Variants in ADAMTS6 observed in about 807,000 individuals in gnomAD.
The protein encoded by ADAMTS6 is ADAM metallopeptidase with thrombospondin type 1 motif 6, also known as A disintegrin and metalloproteinase with thrombospondin motifs 6.
Under a neutral mutation model 144.3 loss-of-function variants are expected in ADAMTS6, and 23 were observed. The observed-to-expected ratio is 0.16, with a 90% CI of 0.11 to 0.23. ADAMTS6 has a LOEUF of 0.23. ADAMTS6 is among the 10% of genes least tolerant of loss of function. ADAMTS6 has a pLI of 1.00. For missense variants in ADAMTS6, 999 were observed against 1,379.6 expected (o/e 0.72, Z 4.37); for synonymous variants, 444 against 457.5 (o/e 0.97, Z 0.38).
chr5:65,279,639 C>A (rs936504978), intron 11 of ADAMTS6, among the ~76,000 whole-genome samples: 2 of 152,108 alleles, frequency 1.3e-5, no homozygotes, highest in Admixed American at 6.6e-5. Flanking sequence ...TCTAAGTGTT[C>A]TTTTTATTTA....
At chr5:65,358,970 T>C (rs77744644) in intron 7 of ADAMTS6, among the ~76,000 whole-genome samples, 2,132 of 152,130 alleles carry the variant, frequency 0.014, 33 homozygotes, top group East Asian at 0.083. Flanking sequence ...GTTTGGGCAA[T>C]GATTTTCTGG....
chr5:65,290,659 G>A (rs1742208072), intron 11 of ADAMTS6, among the ~76,000 whole-genome samples: 2 of 152,016 alleles, frequency 1.3e-5, no homozygotes, highest in Admixed American at 6.6e-5. Flanking sequence ...CATTCACTAT[G>A]CTTATATTGT....
At chr5:65,369,788 T>C (rs957972615) in intron 7 of ADAMTS6, among the ~76,000 whole-genome samples, 1 of 152,210 alleles carries the variant, frequency 6.6e-6, no homozygotes, top group Non-Finnish European at 1.5e-5. Context: ...GGCTTCTTTT[T>C]AGCCCTTATA....
intron 9 of ADAMTS6, among the ~76,000 whole-genome samples, chr5:65,307,864 C>G (rs931125364): frequency 1.3e-5 from 2 of 152,144 alleles, no homozygotes; most frequent in African/African-American, 4.8e-5. Context: ...ACTCTGAGGT[C>G]CTGGCCAGTA....
At chr5:65,404,977 C>A (rs1333393392) in intron 7 of ADAMTS6, among the ~76,000 whole-genome samples, 2 of 152,148 alleles carry the variant, frequency 1.3e-5, no homozygotes, top group Admixed American at 1.3e-4. Context: ...CCTTTGCCCA[C>A]TTTTTGATGG....
intron 7 of ADAMTS6, among the ~76,000 whole-genome samples, chr5:65,353,573 G>A (rs955097559): frequency 6.6e-6 from 1 of 151,944 alleles, no homozygotes; most frequent in Admixed American, 6.6e-5. Context: ...TAAAATTACT[G>A]TGATATTTAT....
chr5:65,284,924 A>C (rs540249597), intron 11 of ADAMTS6, among the ~76,000 whole-genome samples: 1 of 152,280 alleles, frequency 6.6e-6, no homozygotes, highest in Admixed American at 6.5e-5. Context: ...TCAGAGTTAT[A>C]AGCACCCTCT....
At chr5:65,213,690 T>A (rs1756690297) in intron 20 of ADAMTS6, among the ~76,000 whole-genome samples, 1 of 152,026 alleles carries the variant, frequency 6.6e-6, no homozygotes, top group African/African-American at 2.4e-5. Context: ...ATAGATTATA[T>A]GTTAATTATT....
chr5:65,335,518 C>T (rs1395693821), intron 7 of ADAMTS6, among the ~76,000 whole-genome samples: 1 of 152,122 alleles, frequency 6.6e-6, no homozygotes, highest in Non-Finnish European at 1.5e-5. Flanking sequence ...TAAAGGAAGA[C>T]TTTTCATGGT....
At chr5:65,276,124 C>T (rs1039233977) in intron 11 of ADAMTS6, among the ~76,000 whole-genome samples, 1 of 152,176 alleles carries the variant, frequency 6.6e-6, no homozygotes, top group Non-Finnish European at 1.5e-5. Context: ...TTGAAAATCT[C>T]TACCCAAAGT....
rs559693093 is a variant in ADAMTS6, at chr5:65,466,090, C to T, written c.462+4688G>A. On this transcript the variant is annotated intron_variant, in intron 3 of 24. Coordinates refer to ENST00000381055, the MANE Select transcript of ADAMTS6 (RefSeq NM_197941.4). ...TACATCCCCCTACCTACTCCTCGAA[C>T]AGCTTTTTCATCTCAGTTAATTCCA... Among the ~76,000 whole-genome samples the T allele has an allele frequency of 7.9e-5, 12 of 152,322 alleles. No homozygotes were observed. The South Asian group carries it at 2.3e-3, about 29-fold the overall frequency.
chr5:65,275,395 GAAAGAAAGAAAGAAAGAA>G (rs1762422600), intron 11 of ADAMTS6, among the ~76,000 whole-genome samples: 1 of 131,240 alleles, frequency 7.6e-6, no homozygotes, highest in Non-Finnish European at 1.7e-5. Flanking sequence ...AAGAAAGAAA[GAAAGAAAGAAAGAAAGAA>G]AGAAAAGAAA....
chr5:65,434,926 T>C (rs1757276611), intron 7 of ADAMTS6, among the ~76,000 whole-genome samples: 1 of 152,202 alleles, frequency 6.6e-6, no homozygotes, highest in Admixed American at 6.5e-5. Context: ...GATACAAAGA[T>C]GCAGATTGCA....
intron 7 of ADAMTS6, among the ~76,000 whole-genome samples, chr5:65,336,650 G>A (rs563660477): frequency 1.3e-5 from 2 of 152,130 alleles, no homozygotes; most frequent in East Asian, 1.9e-4. Context: ...TATTGTCAGA[G>A]CACCTAAATA....
chr5:65,343,484 T>C (rs891350465), intron 7 of ADAMTS6, among the ~76,000 whole-genome samples: 1 of 151,990 alleles, frequency 6.6e-6, no homozygotes, highest in Non-Finnish European at 1.5e-5. Flanking sequence ...GGAAACCAGA[T>C]AACCATATGC....
At chr5:65,310,269 T>G (rs962244457) in intron 9 of ADAMTS6, among the ~76,000 whole-genome samples, 1 of 152,150 alleles carries the variant, frequency 6.6e-6, no homozygotes. Flanking sequence ...GCCAATTAAG[T>G]TTCTTTTATT....
In ADAMTS6 at chr5:65,224,403, G is replaced by A. The variant is rs748865256; in HGVS notation, c.2192-3C>T. On this transcript the variant is annotated splice_polypyrimidine_tract_variant and splice_region_variant and intron_variant, in intron 17 of 24. Transcript: ENST00000381055. ...TATCTGCACCACTTCCATGTAGCCT[G>A]GAACACAGAAGATAGCCAGTATTAA... 1.2e-6 allele frequency: 2 copies of A among 1,613,894 alleles called. No individual in the cohort carries two copies. Among genetic ancestry groups the A allele is most frequent in the Non-Finnish European group, 1.7e-6 (2 of 1,179,834 alleles).
At chr5:65,312,649 CCCATA>C (rs2112847748) in intron 9 of ADAMTS6, among the ~76,000 whole-genome samples, 1 of 152,020 alleles carries the variant, frequency 6.6e-6, no homozygotes, top group African/African-American at 2.4e-5. Flanking sequence ...CTAGACTCTC[CCCATA>C]CCATACACAA....
intron 20 of ADAMTS6, among the ~76,000 whole-genome samples, chr5:65,208,226 T>C (rs1756251667): frequency 6.6e-6 from 1 of 152,176 alleles, no homozygotes; most frequent in African/African-American, 2.4e-5. Flanking sequence ...ACTAAAACTT[T>C]TAATCAGTTT....
Sources: allele counts gnomAD v4.1 joint callset (sites outside exome capture counted in the v4.1 genomes callset), GRCh38; gene constraint gnomAD v4.1.1; transcripts MANE v1.5; gene names NCBI Gene and HGNC (gene_info 2026-07-23, HGNC 2026-07-21).